H2BC18: variants seen among roughly 807,000 people sequenced by gnomAD.
The protein encoded by H2BC18 is H2B clustered histone 18.
Under a neutral mutation model 6.3 loss-of-function variants are expected in H2BC18, and 8 were observed. The ratio of observed to expected loss-of-function variants is 1.28; its 90% CI spans 0.75 to 2.31. The LOEUF (loss-of-function observed/expected upper bound fraction) is 2.31. H2BC18 is among the 30% of genes most tolerant of loss of function. The pLI, the probability that H2BC18 is intolerant of heterozygous loss-of-function variation, is 0.00. For synonymous variants in H2BC18, 104 were observed against 78.1 expected, an observed-to-expected ratio of 1.33 and a Z score of -1.75; for missense variants, 106 against 174.5, an observed-to-expected ratio of 0.61 and a Z score of 2.21.
chr1:149,802,578 G>T (rs1553753485), intron 1 of H2BC18, among the ~76,000 whole-genome samples: 1 of 152,168 alleles, frequency 6.6e-6, no homozygotes, highest in African/African-American at 2.4e-5. Flanking sequence ...ATATTAAAAG[G>T]AGTTTATGAA....
intron 1 of H2BC18, among the ~76,000 whole-genome samples, chr1:149,806,087 G>T (rs2091914430): frequency 2.0e-5 from 3 of 151,976 alleles, no homozygotes; most frequent in Admixed American, 2.0e-4. Context: ...AATAATACAT[G>T]CAACTTCCAT....
At chr1:149,788,672 A>G (rs2091617061) in intron 1 of H2BC18, 9 of 1,579,996 alleles carry the variant, frequency 5.7e-6, no homozygotes. Context: ...AGGGACCATC[A>G]TAAATATTCT....
chr1:149,787,486 G>A (rs1382396787), intron 1 of H2BC18: 1 of 152,350 alleles, frequency 6.6e-6, no homozygotes, highest in Non-Finnish European at 1.5e-5. Flanking sequence ...TCATATCAAT[G>A]TAGTAGGATG....
At chr1:149,800,682 TTA>T (rs1432818101) in intron 1 of H2BC18, among the ~76,000 whole-genome samples, 1 of 144,750 alleles carries the variant, frequency 6.9e-6, no homozygotes. Context: ...TGTTGAATTT[TTA>T]TGTCAATAAT....
intron 1 of H2BC18, chr1:149,792,145 A>G (rs1571400671): frequency 1.9e-5 from 3 of 158,868 alleles, no homozygotes; most frequent in African/African-American, 7.3e-5. Flanking sequence ...AGGCTCTCTC[A>G]TAACCCCTCT....
rs1342352235 is a variant in H2BC18, at chr1:149,812,316, T to A, written c.8A>T (p.Asp3Val). 6.2e-7 allele frequency: 1 copy of A among 1,614,074 alleles called. No homozygotes were observed. Among genetic ancestry groups the A allele is most frequent in the African/African-American group, 1.3e-5 (1 of 74,920 alleles). MP[D>V]PAKSAPAPKK... Reference sequence around the variant, plus strand: ...GGGAGCAGGAGCGGATTTCGCTGGATCCGGCATTTTTGCGCGAAAAAAGAG... The same window carrying A: ...GGGAGCAGGAGCGGATTTCGCTGGAACCGGCATTTTTGCGCGAAAAAAGAG... Residue 3 changes from aspartate (D) to valine (V), a missense_variant, in exon 1 of 1, where the codon GAT (aspartate) becomes GTT (valine). This residue lies in a region of H2BC18 where 70 missense variants were observed against 64.6 expected (regional missense o/e 1.08). Transcript: ENST00000369167.
Position 149,812,039 on chromosome 1 carries a change from G to C in H2BC18, c.285C>G (p.Ile95Met). The C allele has an allele frequency of 6.2e-7, 1 of 1,614,266 alleles. No individual in the cohort carries two copies. Reference protein sequence around the residue: ...NKRSTITSREIQTAVRLLLPG... With the variant: ...NKRSTITSREMQTAVRLLLPG... ...GCAGCAGCAGGCGCACGGCCGTCTG[G>C]ATCTCGCGGGATGTGATGGTGGAGC... The change falls in exon 1 of 1, where the codon ATC becomes ATG. Residue 95 changes from isoleucine (I) to methionine (M), a missense_variant. By Grantham distance (10) the Ile-to-Met change is conservative. Around this residue, in one of 3 missense-constraint regions of H2BC18, gnomAD observed 35 missense variants for 72.3 expected, o/e 0.48. Coordinates refer to ENST00000369167, the MANE Select transcript of H2BC18 (RefSeq NM_001024599.5).
intron 1 of H2BC18, among the ~76,000 whole-genome samples, chr1:149,802,215 T>A (rs2788795): frequency 6.6e-6 from 1 of 152,054 alleles, no homozygotes; most frequent in Non-Finnish European, 1.5e-5. Flanking sequence ...AAAAGATCCA[T>A]GAAAAATCTC....
chr1:149,788,582 G>A (rs658160), intron 1 of H2BC18: 49 of 1,613,832 alleles, frequency 3.0e-5, no homozygotes, highest in African/African-American at 4.0e-5. Flanking sequence ...GGAAAGCATC[G>A]CTACACATCA....
chr1:149,791,412 C>G (rs2091708217), intron 1 of H2BC18: 1 of 1,601,456 alleles, frequency 6.2e-7, no homozygotes. Context: ...TAATTTCCAG[C>G]CTTCAAGAAG....
rs2091701279 is a variant in H2BC18 at position 149,791,180 on chromosome 1, G to C, written c.378-7920C>G. ...AACCTTCCCTTCCAAACATAACTCAGCTAGACCCCTCTGGTCTCTAAATAG... is the reference window on the plus strand; with the variant it reads ...AACCTTCCCTTCCAAACATAACTCACCTAGACCCCTCTGGTCTCTAAATAG... On this transcript the variant is annotated intron_variant, in intron 1 of 1. Transcript: ENST00000545683. 8.1e-6 allele frequency: 13 copies of C among 1,605,312 alleles called. 1 individual carries two copies. Among genetic ancestry groups the C allele is most frequent in the South Asian group, 4.5e-5 (4 of 89,800 alleles).
intron 1 of H2BC18, chr1:149,784,271 G>C: frequency 6.2e-7 from 1 of 1,610,234 alleles, no homozygotes; most frequent in Non-Finnish European, 8.5e-7. Flanking sequence ...ATTATGACTT[G>C]GACCAGGAGG....
At chr1:149,796,998 C>T (rs1553752850) in intron 1 of H2BC18, among the ~76,000 whole-genome samples, 1 of 152,186 alleles carries the variant, frequency 6.6e-6, no homozygotes, top group Non-Finnish European at 1.5e-5. Flanking sequence ...CTGCAACCTC[C>T]ATCTCCCAGG....
rs587631740 is a variant in H2BC18, at chr1:149,812,282, G to T, written c.42C>A (p.Gly14=). The T allele has an allele frequency of 6.2e-7, 1 of 1,614,220 alleles. No homozygotes were observed. Among genetic ancestry groups the T allele is most frequent in the Non-Finnish European group, 8.5e-7 (1 of 1,180,024 alleles). ...PAKSAPAPKK[G]SKKAVTKVQK... Reference sequence around the variant, plus strand: ...GCACTTTCGTAACAGCCTTTTTGGAGCCCTTCTTGGGAGCAGGAGCGGATT... The same window carrying T: ...GCACTTTCGTAACAGCCTTTTTGGATCCCTTCTTGGGAGCAGGAGCGGATT... Residue 14 remains glycine (G), a synonymous_variant, in exon 1 of 1, where the codon GGC becomes GGA. Transcript: ENST00000369167.
At chr1:149,796,800 A>G (rs1571408244) in intron 1 of H2BC18, among the ~76,000 whole-genome samples, 2 of 152,180 alleles carry the variant, frequency 1.3e-5, no homozygotes, top group South Asian at 2.1e-4. Context: ...AGCCTTCATA[A>G]TATCTGTTGT....
At chr1:149,792,569 G>A (rs2101425729) in intron 1 of H2BC18, 1 of 1,187,118 alleles carries the variant, frequency 8.4e-7, no homozygotes, top group African/African-American at 1.7e-5. Flanking sequence ...ATGATGGGAT[G>A]GGGCGTCGCG....
intron 1 of H2BC18, chr1:149,792,679 C>G (rs1553752158): frequency 3.1e-6 from 4 of 1,280,150 alleles, no homozygotes; most frequent in East Asian, 5.7e-5. Flanking sequence ...CGCCAGCGCC[C>G]GGGGACCCAG....
At chr1:149,801,829 T>A (rs1437560524) in intron 1 of H2BC18, among the ~76,000 whole-genome samples, 1 of 152,162 alleles carries the variant, frequency 6.6e-6, no homozygotes, top group Non-Finnish European at 1.5e-5. Flanking sequence ...GGAAGAACAG[T>A]CACAGTTCTG....
chr1:149,794,102 C>A, intron 1 of H2BC18: 1 of 478,540 alleles, frequency 2.1e-6, no homozygotes, highest in Non-Finnish European at 4.0e-6. Context: ...AGAGAGACAA[C>A]AGTAGAAGCA....
Sources: gnomAD v4.1 joint callset for allele counts (sites outside exome capture counted in the v4.1 genomes callset) on GRCh38, gnomAD v4.1.1 for gene constraint, gnomAD v4.1.1 regional missense constraint, MANE v1.5 for transcripts, NCBI Gene and HGNC (gene_info 2026-07-23, HGNC 2026-07-21) for gene names.